The following HDAC9 variants were observed in gnomAD, a reference collection of about 807,000 sequenced individuals.
HDAC9 encodes the protein MEF-2 interacting transcription repressor (MITR) protein.
A neutral mutation model predicts 139.4 loss-of-function variants in HDAC9; 41 were observed. That is an observed-to-expected ratio of 0.29 (90% CI 0.23 to 0.38). The LOEUF is 0.38. Ranked by LOEUF, HDAC9 falls within the 10% of genes least tolerant of loss-of-function variation. The pLI, the probability that HDAC9 is intolerant of heterozygous loss-of-function variation, is 1.00. For missense variants in HDAC9, 1,147 were observed against 1,297.0 expected (o/e 0.88, Z 1.78); for synonymous variants, 517 against 476.2 (o/e 1.09, Z -1.12).
At chr7:18,344,857 GA>G (rs1211724321) in intron 1 of HDAC9, among the ~76,000 whole-genome samples, 3 of 151,988 alleles carry the variant, frequency 2.0e-5, no homozygotes, top group South Asian at 4.1e-4. Flanking sequence ...TTTTAACACT[GA>G]AAAAAATTCA....
intron 2 of HDAC9, among the ~76,000 whole-genome samples, chr7:18,528,351 A>G (rs562790379): frequency 6.6e-6 from 1 of 152,122 alleles, no homozygotes; most frequent in South Asian, 2.1e-4. Flanking sequence ...AATATAGCAT[A>G]TTAGAACAAA....
At chr7:18,227,856 T>G (rs1793169580) in intron 2 of HDAC9, among the ~76,000 whole-genome samples, 1 of 152,190 alleles carries the variant, frequency 6.6e-6, no homozygotes, top group Non-Finnish European at 1.5e-5. Context: ...GACCTGTTAG[T>G]GCCTATCGGA....
intron 1 of HDAC9, among the ~76,000 whole-genome samples, chr7:18,152,893 G>C (rs1367977690): frequency 6.6e-6 from 1 of 152,158 alleles, no homozygotes; most frequent in African/African-American, 2.4e-5. Context: ...TTTACAAATT[G>C]GTGTATTCTG....
At chr7:18,551,436 A>C (rs933740658) in intron 2 of HDAC9, among the ~76,000 whole-genome samples, 2 of 152,202 alleles carry the variant, frequency 1.3e-5, no homozygotes, top group Non-Finnish European at 2.9e-5. Context: ...GAAGAAGACC[A>C]AGAACTAAAC....
intron 21 of HDAC9, among the ~76,000 whole-genome samples, chr7:18,866,403 A>C (rs1176132493): frequency 6.6e-6 from 1 of 152,136 alleles, no homozygotes; most frequent in Non-Finnish European, 1.5e-5. Context: ...ACCCTGGCCT[A>C]TAACTGATGT....
intron 6 of HDAC9, among the ~76,000 whole-genome samples, chr7:18,618,468 G>A (rs1003392811): frequency 5.9e-5 from 9 of 151,908 alleles, no homozygotes; most frequent in Non-Finnish European, 1.2e-4. Flanking sequence ...TCTGGACCAT[G>A]AAATCCTGAC....
chr7:18,261,128 C>A (rs1372088521), intron 2 of HDAC9, among the ~76,000 whole-genome samples: 1 of 146,734 alleles, frequency 6.8e-6, no homozygotes, highest in African/African-American at 2.4e-5. Context: ...CATAACGAAA[C>A]CATGTCTTTA....
intron 1 of HDAC9, among the ~76,000 whole-genome samples, chr7:18,142,796 G>T (rs1045123194): frequency 1.3e-5 from 2 of 152,150 alleles, no homozygotes; most frequent in Non-Finnish European, 2.9e-5. Context: ...GGACGTGGCG[G>T]GTCAAGACTA....
intron 24 of HDAC9, among the ~76,000 whole-genome samples, chr7:18,968,862 G>A (rs1450564709): frequency 6.9e-6 from 1 of 145,152 alleles, no homozygotes; most frequent in East Asian, 2.1e-4. Context: ...AGGAGGCTGA[G>A]CCAGGAGAAT....
intron 2 of HDAC9, among the ~76,000 whole-genome samples, chr7:18,537,728 A>G (rs1240504467): frequency 6.6e-6 from 1 of 152,220 alleles, no homozygotes; most frequent in African/African-American, 2.4e-5. Context: ...ATACTGGTTC[A>G]TCCCAGTCTG....
intron 1 of HDAC9, among the ~76,000 whole-genome samples, chr7:18,299,461 T>C (rs1798391474): frequency 6.6e-6 from 1 of 152,194 alleles, no homozygotes; most frequent in Non-Finnish European, 1.5e-5. Context: ...TGTTTAATGA[T>C]ACCACACTTT....
intron 21 of HDAC9, among the ~76,000 whole-genome samples, chr7:18,841,677 T>C (rs1796593395): frequency 6.6e-6 from 1 of 152,098 alleles, no homozygotes; most frequent in Non-Finnish European, 1.5e-5. Context: ...AACAAAACAA[T>C]CATATAGCGA....
chr7:18,419,200 G>C (rs1789383177), intron 1 of HDAC9, among the ~76,000 whole-genome samples: 2 of 151,790 alleles, frequency 1.3e-5, no homozygotes, highest in African/African-American at 2.4e-5. Flanking sequence ...GAATTGATTT[G>C]GTTCCTGCCC....
intron 1 of HDAC9, among the ~76,000 whole-genome samples, chr7:18,327,252 C>A (rs1011032258): frequency 2.6e-5 from 4 of 151,696 alleles, no homozygotes; most frequent in Non-Finnish European, 4.4e-5. Flanking sequence ...TTATGATGAG[C>A]AGTTACCTAC....
chr7:18,799,038 AAGACACACACAC>A (rs71014401), intron 17 of HDAC9, among the ~76,000 whole-genome samples: 36,108 of 143,420 alleles, frequency 0.25, 4,926 homozygotes, highest in South Asian at 0.35. Context: ...AATGTGCCCT[AAGACACACACAC>A]ACACACACAC....
chr7:18,974,965 G>T (rs1015372179), intron 24 of HDAC9, among the ~76,000 whole-genome samples: 2 of 152,114 alleles, frequency 1.3e-5, no homozygotes, highest in East Asian at 3.9e-4. Context: ...AACTAGTCAG[G>T]CTGCAGAGAT....
intron 2 of HDAC9, among the ~76,000 whole-genome samples, chr7:18,164,829 G>C (rs922578860): frequency 1.3e-5 from 2 of 152,052 alleles, no homozygotes; most frequent in East Asian, 3.9e-4. Context: ...ATTGCTTTTG[G>C]GCACTGAGGA....
At chr7:18,296,578 C>T (rs1394624376) in intron 1 of HDAC9, among the ~76,000 whole-genome samples, 1 of 152,062 alleles carries the variant, frequency 6.6e-6, no homozygotes, top group Non-Finnish European at 1.5e-5. Context: ...TTTCTTGTTT[C>T]CTTGTGTTAA....
intron 22 of HDAC9, among the ~76,000 whole-genome samples, chr7:18,904,158 TTACTTTC>T (rs1801988720): frequency 6.6e-6 from 1 of 152,248 alleles, no homozygotes; most frequent in South Asian, 2.1e-4. Flanking sequence ...TAGATAAAGT[TTACTTTC>T]TACTTTAGTG....
Sources: allele counts gnomAD v4.1 joint callset (sites outside exome capture counted in the v4.1 genomes callset), GRCh38; gene constraint gnomAD v4.1.1; transcripts MANE v1.5; gene names NCBI Gene and HGNC (gene_info 2026-07-23, HGNC 2026-07-21).